TMEM45A: variants seen among roughly 807,000 people sequenced by gnomAD.
TMEM45A encodes DNA polymerase-transactivated protein 4.
TMEM45A carries 25 observed loss-of-function variants against 32.0 expected under a neutral mutation model. The ratio of observed to expected loss-of-function variants is 0.78; its 90% CI spans 0.57 to 1.09. The LOEUF is 1.09. Among genes scored for constraint, TMEM45A ranks in the 50% least tolerant of loss-of-function variants. TMEM45A has a pLI of 0.00. For missense variants in TMEM45A, 302 were observed against 325.0 expected (o/e 0.93, Z 0.54); for synonymous variants, 122 against 114.8 (o/e 1.06, Z -0.40).
rs1424642689 is a variant in TMEM45A, at chr3:100,568,657, C to CT, written c.589-164dup. The stretch of plus-strand genomic sequence containing the variant: ...ATGAAAATATGACATATTAGAGACT[C>CT]TCTATATTACTAAAACAGGCAGCAA... On this transcript the variant is annotated intron_variant, in intron 4 of 5. Transcript: ENST00000323523. Among the ~76,000 whole-genome samples the CT allele has an allele frequency of 3.3e-5, 5 of 152,268 alleles. No homozygotes were observed. The East Asian group carries it at 9.6e-4, about 29-fold the overall frequency.
chr3:100,513,236 G>T (rs1708198002), intron 1 of TMEM45A, among the ~76,000 whole-genome samples: 1 of 151,684 alleles, frequency 6.6e-6, no homozygotes, highest in African/African-American at 2.4e-5. Context: ...ATAAAATACT[G>T]GCAAACCGAA....
intron 1 of TMEM45A, among the ~76,000 whole-genome samples, chr3:100,495,700 C>G (rs1576252247): frequency 6.6e-6 from 1 of 152,200 alleles, no homozygotes; most frequent in South Asian, 2.1e-4. Flanking sequence ...CCATCCAGGT[C>G]CTGCAGGTTG....
intron 5 of TMEM45A, 91 bp downstream of exon 5, chr3:100,569,058 A>G: frequency 7.8e-7 from 1 of 1,289,682 alleles, no homozygotes. Flanking sequence ...TCAAAAGGGT[A>G]TTTCATTCCT....
At chr3:100,510,824 A>C (rs1292740634) in intron 1 of TMEM45A, among the ~76,000 whole-genome samples, 1 of 152,262 alleles carries the variant, frequency 6.6e-6, no homozygotes, top group Non-Finnish European at 1.5e-5. Context: ...TACGTGAAGA[A>C]TGCAGAAGCC....
intron 1 of TMEM45A, among the ~76,000 whole-genome samples, chr3:100,494,877 T>C (rs1373302090): frequency 6.6e-6 from 1 of 152,178 alleles, no homozygotes; most frequent in East Asian, 1.9e-4. Flanking sequence ...TCCTCCTCTG[T>C]GGTGAGTTTC....
At chr3:100,531,461 T>C (rs1576273768) in intron 1 of TMEM45A, among the ~76,000 whole-genome samples, 1 of 152,230 alleles carries the variant, frequency 6.6e-6, no homozygotes, top group Admixed American at 6.5e-5. Flanking sequence ...GAGTTTGCAT[T>C]TGTATTTAGG....
Position 100,539,490 on chromosome 3 carries a change from TGTATAC to T in TMEM45A, c.-3-15695_-3-15690del, listed in dbSNP as rs1254590126. Among the ~76,000 whole-genome samples the T allele has an allele frequency of 4.3e-4, 31 of 72,424 alleles. 3 individuals carry two copies. Among genetic ancestry groups the T allele is most frequent in the Admixed American group, 8.0e-4 (6 of 7,458 alleles). 47.5% of individuals were successfully genotyped at this position (72,424 alleles called of 152,430 possible). ...ATGTATATGTATATGTATATGTATA[TGTATAC>T]GTATACGTATACGTATACGTATATG... On this transcript the variant is annotated intron_variant, in intron 1 of 5. Coordinates refer to ENST00000323523, the MANE Select transcript of TMEM45A (RefSeq NM_018004.3).
At chr3:100,513,536 A>C (rs1438694070) in intron 1 of TMEM45A, among the ~76,000 whole-genome samples, 1 of 150,860 alleles carries the variant, frequency 6.6e-6, no homozygotes, top group African/African-American at 2.5e-5. Flanking sequence ...ATGGGCAAAA[A>C]CTGGAAGCAT....
At chr3:100,496,376 T>G (rs998686812) in intron 1 of TMEM45A, among the ~76,000 whole-genome samples, 66 of 152,206 alleles carry the variant, frequency 4.3e-4, no homozygotes, top group Non-Finnish European at 5.1e-4. Context: ...GTTTTTCTAG[T>G]TGAGGAGACA....
At chr3:100,562,401 A>G (rs968420136) in intron 4 of TMEM45A, among the ~76,000 whole-genome samples, 4 of 152,162 alleles carry the variant, frequency 2.6e-5, no homozygotes, top group Admixed American at 6.5e-5. Context: ...TATGGCTTTC[A>G]CTGTAGTCAC....
intron 1 of TMEM45A, among the ~76,000 whole-genome samples, chr3:100,539,826 C>T (rs1356263221): frequency 1.3e-5 from 2 of 152,194 alleles, no homozygotes; most frequent in Non-Finnish European, 2.9e-5. Flanking sequence ...CTCAGACACA[C>T]TCAGAAATCA....
At chr3:100,524,900 GA>G (rs1000332069) in intron 1 of TMEM45A, among the ~76,000 whole-genome samples, 1 of 151,890 alleles carries the variant, frequency 6.6e-6, no homozygotes, top group Non-Finnish European at 1.5e-5. Flanking sequence ...AGTACAAAAA[GA>G]AAAAAAGGCC....
At chr3:100,514,490 G>A (rs991748573) in intron 1 of TMEM45A, among the ~76,000 whole-genome samples, 1 of 151,892 alleles carries the variant, frequency 6.6e-6, no homozygotes, top group South Asian at 2.1e-4. Context: ...ATGGATTAAA[G>A]ACTTAAACAT....
At chr3:100,549,779 T>G (rs184041341) in intron 1 of TMEM45A, among the ~76,000 whole-genome samples, 100 of 152,140 alleles carry the variant, frequency 6.6e-4, no homozygotes, top group African/African-American at 2.0e-3. Flanking sequence ...CCATGTGATC[T>G]CATTGTTCAA....
intron 1 of TMEM45A, among the ~76,000 whole-genome samples, chr3:100,508,794 T>C (rs1576259370): frequency 6.6e-6 from 1 of 152,048 alleles, no homozygotes; most frequent in East Asian, 1.9e-4. Context: ...AATAGACCCC[T>C]GTCTCTCACT....
chr3:100,504,529 G>A (rs545735841), intron 1 of TMEM45A, among the ~76,000 whole-genome samples: 1 of 152,266 alleles, frequency 6.6e-6, no homozygotes, highest in Admixed American at 6.5e-5. Context: ...CCCTCCAGTA[G>A]CTTCCTATTG....
intron 5 of TMEM45A, chr3:100,570,969 T>G (rs908476812): frequency 7.5e-5 from 11 of 146,406 alleles, no homozygotes; most frequent in South Asian, 6.4e-4. Context: ...AGAGTTTTTG[T>G]TTTTTTTTTC....
At chr3:100,573,941 G>A (rs2148998793) in intron 5 of TMEM45A, 1 of 152,284 alleles carries the variant, frequency 6.6e-6, no homozygotes, top group East Asian at 1.9e-4. Context: ...GCATCCCAGG[G>A]ATGAAGCCCA....
chr3:100,575,174 C>T (rs1706656561), intron 5 of TMEM45A, among the ~76,000 whole-genome samples: 1 of 152,034 alleles, frequency 6.6e-6, no homozygotes, highest in Admixed American at 6.6e-5. Context: ...GTTAACTATG[C>T]TTTGTTGATA....
Sources: gnomAD v4.1 joint callset for allele counts (sites outside exome capture counted in the v4.1 genomes callset) on GRCh38, gnomAD v4.1.1 for gene constraint, MANE v1.5 for transcripts, NCBI Gene and HGNC (gene_info 2026-07-23, HGNC 2026-07-21) for gene names.